PPP1CC: variants seen among roughly 807,000 people sequenced by gnomAD.
PPP1CC encodes serine/threonine-protein phosphatase PP1-gamma catalytic subunit.
In PPP1CC, 16 loss-of-function variants were observed where a neutral mutation model predicts 38.4. The observed-to-expected ratio is 0.42, with a 90% CI of 0.28 to 0.63. The LOEUF (loss-of-function observed/expected upper bound fraction) is 0.63. Among genes scored for constraint, PPP1CC ranks in the 30% least tolerant of loss-of-function variants. The pLI is 0.25. For synonymous variants in PPP1CC, 158 were observed against 136.0 expected (o/e 1.16, Z -1.13); for missense variants, 170 against 391.3 (o/e 0.43, Z 4.77).
chr12:110,713,423 G>A, the PPP1CC span, among the ~76,000 whole-genome samples: 2 of 152,100 alleles, frequency 1.3e-5, no homozygotes, highest in Admixed American at 6.5e-5. Flanking sequence ...GTGAGCCACC[G>A]TGCCTGGCCA....
At position 110,722,098 on chromosome 12, in the gene PPP1CC, CA is replaced by C; in HGVS notation, c.882+36del. ...TATTTTTCAATCAGCAAAGTGTAAACATATTAAAAGGAAATCATGTTGAAAG... is the reference window on the plus strand; with the variant it reads ...TATTTTTCAATCAGCAAAGTGTAAACTATTAAAAGGAAATCATGTTGAAAG... On this transcript the variant is annotated intron_variant, in intron 6 of 6. Coordinates refer to ENST00000335007, the MANE Select transcript of PPP1CC (RefSeq NM_002710.4). The surrounding 1 kb of genome is among the most constrained non-coding windows in gnomAD (Gnocchi z 5.4). The C allele has an allele frequency of 6.2e-7, 1 of 1,610,682 alleles. No individual in the cohort carries two copies. Among genetic ancestry groups the C allele is most frequent in the South Asian group, 1.1e-5 (1 of 90,836 alleles).
At position 110,724,755 on chromosome 12, in the gene PPP1CC, C is replaced by T; in HGVS notation, c.428G>A (p.Arg143Lys). The change falls in exon 4 of 7, where the codon AGA becomes AAA. Residue 143 changes from arginine to lysine, a missense_variant. Around this residue, in one of 3 missense-constraint regions of PPP1CC, gnomAD observed 117 missense variants for 344.4 expected, o/e 0.34. Coordinates refer to ENST00000335007, the MANE Select transcript of PPP1CC (RefSeq NM_002710.4). ...IYGFYDECKRRYNIKLWKTFT... is the reference protein window; with the variant it reads ...IYGFYDECKRKYNIKLWKTFT... ...AGTTTTCCATAGTTTAATGTTGTAT[C>T]TTCTTTTACCTGTGATTAAAAAGAG... 6.4e-7 allele frequency: 1 copy of T among 1,564,710 alleles called. No homozygotes were observed. The highest frequency in any genetic ancestry group is 8.8e-7 in the Non-Finnish European group (1 of 1,135,506).
downstream of PPP1CC, among the ~76,000 whole-genome samples, chr12:110,718,044 TTTCC>T (rs2069701181): frequency 6.6e-6 from 1 of 152,196 alleles, no homozygotes; most frequent in Non-Finnish European, 1.5e-5. Flanking sequence ...TTGATATTCC[TTTCC>T]ATCAGTTTAA....
intron 1 of PPP1CC, among the ~76,000 whole-genome samples, chr12:110,739,549 ACCTTCAGAACAAC>A (rs1261135187): frequency 6.6e-6 from 1 of 152,168 alleles, no homozygotes; most frequent in Non-Finnish European, 1.5e-5. Flanking sequence ...AACACTCCCT[ACCTTCAGAACAAC>A]CCTTATGTAT....
intron 1 of PPP1CC, among the ~76,000 whole-genome samples, chr12:110,733,731 T>G (rs553888761): frequency 6.6e-6 from 1 of 152,154 alleles, no homozygotes; most frequent in Non-Finnish European, 1.5e-5. Flanking sequence ...CCTCTTGCTC[T>G]GGCCCCCCAA....
chr12:110,722,772 G>A lies in PPP1CC; in HGVS notation c.524-77C>T. ...TACTACCCCTTCAAAAGTTCCATTT[G>A]TCTACAGAGAAATTCAATAATCCTG... is the stretch of plus-strand genomic sequence containing the variant. On this transcript the variant is annotated intron_variant, in intron 4 of 6. Transcript: ENST00000335007. This position sits in a 1 kb window ranked among gnomAD's most constrained non-coding sequence, Gnocchi z 5.4. The A allele has an allele frequency of 9.4e-7, 1 of 1,059,862 alleles. No homozygotes were observed. Among genetic ancestry groups the A allele is most frequent in the South Asian group, 1.6e-5 (1 of 60,670 alleles). 65.7% of individuals were successfully genotyped at this position (1,059,862 alleles called of 1,614,324 possible).
downstream of PPP1CC, among the ~76,000 whole-genome samples, chr12:110,715,566 A>G (rs1262256174): frequency 1.3e-5 from 2 of 151,998 alleles, no homozygotes; most frequent in Non-Finnish European, 2.9e-5. Context: ...AATTGATACC[A>G]TTTAATTATT....
At position 110,722,710 on chromosome 12, in the gene PPP1CC, A is replaced by G. The variant is rs1254470803; in HGVS notation, c.524-15T>C. ...TGGTGATAAACCTATTCAATGAGGAAAAAAAAAAAATGAAGAAAGCAGAAC... is the reference window on the plus strand; with the variant it reads ...TGGTGATAAACCTATTCAATGAGGAGAAAAAAAAAATGAAGAAAGCAGAAC... On this transcript the variant is annotated splice_polypyrimidine_tract_variant and intron_variant, in intron 4 of 6. Transcript: ENST00000335007. This position sits in a 1 kb window ranked among gnomAD's most constrained non-coding sequence, Gnocchi z 5.4. 12 of 1,510,316 alleles carry G rather than the reference A, an allele frequency of 7.9e-6. No homozygotes were observed. The highest frequency in any genetic ancestry group is 2.3e-5 in the East Asian group (1 of 43,188). 93.6% of individuals were successfully genotyped at this position (1,510,316 alleles called of 1,614,324 possible).
intron 1 of PPP1CC, among the ~76,000 whole-genome samples, chr12:110,738,256 G>C (rs2069971191): frequency 6.6e-6 from 1 of 152,088 alleles, no homozygotes. Context: ...TTGATGCTTT[G>C]GATACAGAGG....
In PPP1CC at chr12:110,742,870, T is replaced by G; in HGVS notation, c.-163A>C. 2 of 440,034 alleles carry G rather than the reference T, an allele frequency of 4.5e-6. No homozygotes were observed. The highest frequency in any genetic ancestry group is 7.8e-6 in the Non-Finnish European group (2 of 257,262). The allele number at this position is 440,034 out of a possible 1,614,324, so 27.3% of individuals were successfully genotyped here. A position where few individuals can be genotyped will look rare whatever the true frequency, so the allele number is the denominator to read the frequency against. On this transcript the variant is annotated 5_prime_UTR_variant, in exon 1 of 7. Transcript: ENST00000335007. ...CCCCGCTCCCTACTTCCTCCTTCTC[T>G]CCCCACTGGAACCACGAGAAGAACA...
At chr12:110,711,594 T>C in the PPP1CC span, among the ~76,000 whole-genome samples, 1 of 152,028 alleles carries the variant, frequency 6.6e-6, no homozygotes, top group Non-Finnish European at 1.5e-5. Flanking sequence ...GGTATGTGGG[T>C]GTTTTATGTA....
chr12:110,710,138 G>GA, the PPP1CC span, among the ~76,000 whole-genome samples: 1 of 151,614 alleles, frequency 6.6e-6, no homozygotes, highest in East Asian at 1.9e-4. Flanking sequence ...GAAAGAGATG[G>GA]AAAAAAACAA....
intron 1 of PPP1CC, 90 bp downstream of exon 1, chr12:110,742,563 C>T: frequency 2.6e-6 from 3 of 1,142,174 alleles, no homozygotes; most frequent in Non-Finnish European, 3.5e-6. Flanking sequence ...CAAGCCCAAC[C>T]GGCCTCCCAA....
intron 1 of PPP1CC, among the ~76,000 whole-genome samples, chr12:110,737,477 CA>C (rs71083137): frequency 0.048 from 2,050 of 42,550 alleles, 52 homozygotes; most frequent in African/African-American, 0.17. Context: ...AAGAAAGACT[CA>C]AAAAAAAAAA....
rs1030383738 is a variant in PPP1CC at position 110,720,339 on chromosome 12, A to T, written c.*737T>A. The T allele has an allele frequency of 1.3e-5, 9 of 709,176 alleles. No individual in the cohort carries two copies. The African/African-American group carries it at 1.6e-4, about 13-fold the overall frequency. 43.9% of individuals were successfully genotyped at this position (709,176 alleles called of 1,614,324 possible). A position where few individuals can be genotyped will look rare whatever the true frequency, so the allele number is the denominator to read the frequency against. ...TCAAAAACCTGTTTTTGAATCCCCA[A>T]GAAGGCAGCATGTGTATACAACCAT... is the stretch of plus-strand genomic sequence containing the variant. On this transcript the variant is annotated 3_prime_UTR_variant, in exon 7 of 7. Coordinates refer to ENST00000335007, the MANE Select transcript of PPP1CC (RefSeq NM_002710.4).
At chr12:110,732,085 G>T in intron 1 of PPP1CC, 184 bp from the exon 2 acceptor site, 1 of 631,794 alleles carries the variant, frequency 1.6e-6, no homozygotes, top group Non-Finnish European at 2.7e-6. Context: ...AGACTTAATT[G>T]CATCTTCGAT....
chr12:110,733,329 C>A (rs1430367682), intron 1 of PPP1CC, among the ~76,000 whole-genome samples: 3 of 152,152 alleles, frequency 2.0e-5, no homozygotes, highest in Non-Finnish European at 4.4e-5. Flanking sequence ...TCAGCAGAGT[C>A]CCACACTTAT....
At chr12:110,715,551 A>C (rs1009700429), downstream of PPP1CC, among the ~76,000 whole-genome samples, 3 of 151,868 alleles carry the variant, frequency 2.0e-5, no homozygotes, top group African/African-American at 7.3e-5. Context: ...ACTGGAAAAA[A>C]ATTTAATTGA....
rs1264805862 is a variant in PPP1CC, at chr12:110,730,731, C to T, written c.216G>A (p.Leu72=). 1 of 1,613,650 alleles carries T rather than the reference C, an allele frequency of 6.2e-7. No homozygotes were observed. Reference sequence around the variant, plus strand: ...AACCACCGTACTCAAAAAGTCGCAGCAAATCATAGTATTGTCCATGGATGT... The same window carrying T: ...AACCACCGTACTCAAAAAGTCGCAGTAAATCATAGTATTGTCCATGGATGT... ...CGDIHGQYYD[L]LRLFEYGGFP... The change falls in exon 3 of 7, where the codon TTG becomes TTA. Residue 72 remains leucine, a synonymous_variant. Transcript: ENST00000335007.
Sources: allele counts gnomAD v4.1 joint callset (sites outside exome capture counted in the v4.1 genomes callset), GRCh38; gene constraint gnomAD v4.1.1; regional missense constraint gnomAD v4.1.1; non-coding constraint Gnocchi (gnomAD v3.1); transcripts MANE v1.5; gene names NCBI Gene and HGNC (gene_info 2026-07-23, HGNC 2026-07-21).